The following ANGPT2 variants were observed in gnomAD, a reference collection of about 807,000 sequenced individuals.
ANGPT2 encodes angiopoietin-2.
Under a neutral mutation model 62.9 loss-of-function variants are expected in ANGPT2, and 28 were observed. The observed-to-expected ratio is 0.44, with a 90% confidence interval of 0.33 to 0.61. The LOEUF (loss-of-function observed/expected upper bound fraction) is 0.61, where lower values mean the gene tolerates loss of function less well. Ranked by LOEUF, ANGPT2 falls within the 20% of genes least tolerant of loss-of-function variation. The pLI is 0.03. For synonymous variants in ANGPT2, 284 were observed against 207.8 expected, an observed-to-expected ratio of 1.37 and a Z score of -3.15; for missense variants, 727 against 594.9, an observed-to-expected ratio of 1.22 and a Z score of -2.31.
At chr8:6,508,780 A>G in intron 8 of ANGPT2, 152 bp downstream of exon 8, 1 of 1,137,232 alleles carries the variant, frequency 8.8e-7, no homozygotes, top group Non-Finnish European at 1.3e-6. Context: ...AAAAAAAGTG[A>G]AAAACACATT....
intron 5 of ANGPT2, among the ~76,000 whole-genome samples, chr8:6,515,535 T>G (rs2959791): frequency 0.35 from 53,021 of 152,096 alleles, 9,458 homozygotes; most frequent in Middle Eastern, 0.48. Context: ...TTAAACTTTG[T>G]CCAGAACACA....
intron 1 of ANGPT2, among the ~76,000 whole-genome samples, chr8:6,551,932 C>T (rs1004688358): frequency 5.3e-5 from 8 of 152,108 alleles, no homozygotes; most frequent in Admixed American, 2.0e-4. Context: ...TTTGAGATTC[C>T]AAAGACTACG....
chr8:6,522,801 G>A (rs73199047), intron 3 of ANGPT2, among the ~76,000 whole-genome samples: 10,958 of 151,132 alleles, frequency 0.073, 496 homozygotes, highest in African/African-American at 0.12. Context: ...GAAAAGAAAT[G>A]TAGGAAGAAT....
chr8:6,503,568 G>T (rs1812632011), intron 8 of ANGPT2, among the ~76,000 whole-genome samples: 1 of 152,164 alleles, frequency 6.6e-6, no homozygotes, highest in Non-Finnish European at 1.5e-5. Context: ...CACACTTACA[G>T]CAGGAGTAAG....
intron 1 of ANGPT2, among the ~76,000 whole-genome samples, chr8:6,548,830 C>T (rs1167832896): frequency 6.6e-6 from 1 of 152,120 alleles, no homozygotes; most frequent in Non-Finnish European, 1.5e-5. Context: ...GCAGATAGGC[C>T]CTTGGGTCCT....
At chr8:6,530,486 G>A (rs182461795) in intron 2 of ANGPT2, among the ~76,000 whole-genome samples, 2 of 143,664 alleles carry the variant, frequency 1.4e-5, no homozygotes, top group East Asian at 2.0e-4. Flanking sequence ...TCCAACCTGG[G>A]CAATGCAGTG....
chr8:6,519,880 G>A lies in ANGPT2; in HGVS notation c.911C>T (p.Ser304Phe). 6.2e-7 allele frequency: 1 copy of A among 1,614,066 alleles called. No homozygotes were observed. Among genetic ancestry groups the A allele is most frequent in the Non-Finnish European group, 8.5e-7 (1 of 1,179,950 alleles). Residue 304 changes from serine (S) to phenylalanine (F), a missense_variant, in exon 5 of 9, where the codon TCT (serine) becomes TTT (phenylalanine). Physicochemically the swap from Ser to Phe is radical, Grantham distance 155 (BLOSUM62 -2). Transcript: ENST00000629816. ...ATACCTCACCTTGATCTCTTCTGTA[G>A]AATTAGGGAATGTTAACGTGTAGAT... ...NGIYTLTFPN[S>F]TEEIKAYCDM...
intron 5 of ANGPT2, among the ~76,000 whole-genome samples, chr8:6,517,332 A>G (rs990449072): frequency 6.6e-6 from 1 of 152,212 alleles, no homozygotes; most frequent in Non-Finnish European, 1.5e-5. Flanking sequence ...CTCTGAGGCA[A>G]TGATTAAGTG....
chr8:6,500,189 C>G lies in ANGPT2; in HGVS notation c.*2912G>C. 2.2e-6 allele frequency: 1 copy of G among 461,604 alleles called. No individual in the cohort carries two copies. Among genetic ancestry groups the G allele is most frequent in the Non-Finnish European group, 4.0e-6 (1 of 252,378 alleles). The allele number at this position is 461,604 out of a possible 1,614,324, so 28.6% of individuals were successfully genotyped here. On this transcript the variant is annotated 3_prime_UTR_variant, in exon 9 of 9. Coordinates refer to ENST00000629816, the MANE Select transcript of ANGPT2 (RefSeq NM_001118887.2). Reference sequence around the variant, plus strand: ...TTAACATCCTCAGAACTGAGAAAAACAAAAATGAAAAAAGACTGAATTCTT... The same window carrying G: ...TTAACATCCTCAGAACTGAGAAAAAGAAAAATGAAAAAAGACTGAATTCTT...
intron 2 of ANGPT2, among the ~76,000 whole-genome samples, chr8:6,528,725 C>T (rs1376753891): frequency 6.6e-6 from 1 of 152,236 alleles, no homozygotes; most frequent in Non-Finnish European, 1.5e-5. Context: ...GATGTGATAT[C>T]ACATGCAAAT....
At chr8:6,541,760 TTAGGGGGCCAAGG>T (rs1821620413) in intron 1 of ANGPT2, among the ~76,000 whole-genome samples, 1 of 152,074 alleles carries the variant, frequency 6.6e-6, no homozygotes, top group African/African-American at 2.4e-5. Flanking sequence ...TCCCAATACT[TTAGGGGGCCAAGG>T]TAGGAGGATC....
rs1243713320 is a variant in ANGPT2, at chr8:6,499,812, A to G, written c.*3289T>C. The G allele has an allele frequency of 1.9e-6, 3 of 1,577,588 alleles. No individual in the cohort carries two copies. The Admixed American group carries it at 5.0e-5, about 26-fold the overall frequency. The stretch of plus-strand genomic sequence containing the variant: ...TCTTGGTTTATTGCCTGCTAAGGCT[A>G]ATAAATGTATAATAAATCTGCTTGT... On this transcript the variant is annotated 3_prime_UTR_variant, in exon 9 of 9. Coordinates refer to ENST00000629816, the MANE Select transcript of ANGPT2 (RefSeq NM_001118887.2).
At chr8:6,508,755 C>G in intron 8 of ANGPT2, 177 bp downstream of exon 8, 1 of 878,866 alleles carries the variant, frequency 1.1e-6, no homozygotes, top group Non-Finnish European at 1.8e-6. Context: ...CATATTCTCA[C>G]TTAAAACTTA....
chr8:6,542,678 G>C (rs747151310), intron 1 of ANGPT2, among the ~76,000 whole-genome samples: 1 of 151,802 alleles, frequency 6.6e-6, no homozygotes, highest in Non-Finnish European at 1.5e-5. Flanking sequence ...AGATACTGAT[G>C]GCCTTTTACG....
In ANGPT2 at chr8:6,527,631, A is replaced by T; in HGVS notation, c.490T>A (p.Ser164Thr). 6.2e-7 allele frequency: 1 copy of T among 1,613,908 alleles called. No homozygotes were observed. The highest frequency in any genetic ancestry group is 8.5e-7 in the Non-Finnish European group (1 of 1,179,898). ...TRLELQLLEHSLSTNKLEKQI... is the reference protein window; with the variant it reads ...TRLELQLLEHTLSTNKLEKQI... ...TTTTCCAATTTGTTTGTCGAGAGGG[A>T]GTGTTCCAAGAGCTGAAGTTCAAGT... is the stretch of plus-strand genomic sequence containing the variant. Residue 164 changes from serine to threonine, a missense_variant, in exon 3 of 9, where the codon TCC becomes ACC. Transcript: ENST00000629816.
At chr8:6,509,187 C>T (rs975315177) in intron 7 of ANGPT2, 125 bp from the exon 8 acceptor site, 2 of 1,234,414 alleles carry the variant, frequency 1.6e-6, no homozygotes, top group East Asian at 4.8e-5. Flanking sequence ...TGGACTAATG[C>T]ATACTCTGGA....
At chr8:6,541,968 A>C (rs1055666274) in intron 1 of ANGPT2, among the ~76,000 whole-genome samples, 4 of 151,276 alleles carry the variant, frequency 2.6e-5, no homozygotes, top group African/African-American at 9.7e-5. Flanking sequence ...TGATCGTGCC[A>C]CTGCACTCCA....
intron 7 of ANGPT2, among the ~76,000 whole-genome samples, chr8:6,510,129 A>T (rs1814721657): frequency 6.6e-6 from 1 of 151,628 alleles, no homozygotes; most frequent in Non-Finnish European, 1.5e-5. Context: ...AAGGGAAGGG[A>T]GAAGACAATA....
intron 1 of ANGPT2, among the ~76,000 whole-genome samples, chr8:6,559,986 G>A (rs1028100863): frequency 2.6e-5 from 4 of 152,320 alleles, no homozygotes; most frequent in South Asian, 4.1e-4. Flanking sequence ...AAGGGGCAGC[G>A]TGGGACCTTT....
Sources: gnomAD v4.1 joint callset for allele counts (sites outside exome capture counted in the v4.1 genomes callset) on GRCh38, gnomAD v4.1.1 for gene constraint, MANE v1.5 for transcripts, NCBI Gene and HGNC (gene_info 2026-07-23, HGNC 2026-07-21) for gene names.